The following UNKL variants were observed in gnomAD, a reference collection of about 807,000 sequenced individuals.
UNKL encodes unk like zinc finger.
A neutral mutation model predicts 78.0 loss-of-function variants in UNKL; 60 were observed. The observed-to-expected ratio is 0.77, with a 90% CI of 0.63 to 0.95. The LOEUF (loss-of-function observed/expected upper bound fraction) is 0.95. Among genes scored for constraint, UNKL ranks in the 40% least tolerant of loss-of-function variants. The pLI is 0.00. For missense variants in UNKL, 1,159 were observed against 1,045.7 expected (o/e 1.11, Z -1.49); for synonymous variants, 608 against 474.8 (o/e 1.28, Z -3.65).
Position 1,399,144 on chromosome 16 carries a change from C to T in UNKL, c.734+230G>A. On this transcript the variant is annotated intron_variant, in intron 5 of 14. Coordinates refer to ENST00000389221, the MANE Select transcript of UNKL (RefSeq NM_001372107.1). The surrounding 1 kb of genome is among the most constrained non-coding windows in gnomAD (Gnocchi z 5.8). Reference sequence around the variant, plus strand: ...CTGGCAGAGGGGCCCCGGTAGGGGACTGCATGGGAGACACTGAGCGTAGGT... The same window carrying T: ...CTGGCAGAGGGGCCCCGGTAGGGGATTGCATGGGAGACACTGAGCGTAGGT... The T allele has an allele frequency of 4.4e-6, 5 of 1,124,852 alleles. No homozygotes were observed. The highest frequency in any genetic ancestry group is 6.1e-6 in the Non-Finnish European group (5 of 819,872). The allele number at this position is 1,124,852 out of a possible 1,614,324, so 69.7% of individuals were successfully genotyped here. A position where few individuals can be genotyped will look rare whatever the true frequency, so the allele number is the denominator to read the frequency against.
chr16:1,368,074 T>G, intron 12 of UNKL: 8 of 458,678 alleles, frequency 1.7e-5, no homozygotes, highest in South Asian at 9.5e-5. Context: ...CCCCGGCCGG[T>G]CTCCCCACCA....
chr16:1,403,487 G>A lies in UNKL; in HGVS notation c.288-143C>T, dbSNP rs549097586. ...AGATTCCTGTTCTAATCAGAAGGACGGACACACTGGACGCAGCACCTGTCC... is the reference window on the plus strand; with the variant it reads ...AGATTCCTGTTCTAATCAGAAGGACAGACACACTGGACGCAGCACCTGTCC... On this transcript the variant is annotated intron_variant, in intron 2 of 14. Transcript: ENST00000389221. The surrounding 1 kb of genome is among the most constrained non-coding windows in gnomAD (Gnocchi z 4.8). 26 of 1,043,902 alleles carry A rather than the reference G, an allele frequency of 2.5e-5. No homozygotes were observed. The highest frequency in any genetic ancestry group is 6.4e-5 in the African/African-American group (4 of 62,246). The allele number at this position is 1,043,902 out of a possible 1,614,324, so 64.7% of individuals were successfully genotyped here.
At chr16:1,389,364 T>C (rs577165590) in intron 9 of UNKL, among the ~76,000 whole-genome samples, 8 of 152,152 alleles carry the variant, frequency 5.3e-5, no homozygotes, top group South Asian at 2.1e-4. Context: ...AGCAGGAGGA[T>C]TGCTTGAGCC....
intron 10 of UNKL, among the ~76,000 whole-genome samples, chr16:1,376,050 G>A (rs1019330090): frequency 3.3e-5 from 5 of 152,144 alleles, no homozygotes; most frequent in South Asian, 2.1e-4. Flanking sequence ...TGAGATCTGT[G>A]GCGGGCAGGG....
chr16:1,409,236 G>C (rs1052628425), intron 2 of UNKL, among the ~76,000 whole-genome samples: 1 of 152,146 alleles, frequency 6.6e-6, no homozygotes, highest in Non-Finnish European at 1.5e-5. Context: ...AAAAACCAAT[G>C]AACTAAAGAA....
rs778865379 is a variant in UNKL at position 1,367,224 on chromosome 16, C to T, written c.1914G>A (p.Glu638=). 3.7e-6 allele frequency: 6 copies of T among 1,601,738 alleles called. No individual in the cohort carries two copies. In the Admixed American group the frequency reaches 1.0e-4, roughly 27 times the overall value. ...EVEAQVKQLQ[E]ELEGLGVAST... ...AGGCTACGCCCAGGCCCTCCAGCTC[C>T]TCCTGCAGCTGCTTCACCTGTGCCT... Residue 638 remains glutamate, a synonymous_variant, in exon 14 of 15, where the codon GAG becomes GAA. Transcript: ENST00000389221.
At chr16:1,377,567 G>C (rs889899025) in intron 10 of UNKL, among the ~76,000 whole-genome samples, 2 of 151,660 alleles carry the variant, frequency 1.3e-5, no homozygotes, top group Admixed American at 6.6e-5. Context: ...CCGCTGCCCC[G>C]GGCCCTTCCC....
At chr16:1,366,680 T>C (rs1347839969) in intron 14 of UNKL, among the ~76,000 whole-genome samples, 2 of 152,080 alleles carry the variant, frequency 1.3e-5, no homozygotes, top group East Asian at 3.9e-4. Context: ...GGCAGCTGGG[T>C]GCCCAGGATG....
In UNKL at chr16:1,401,553, C is replaced by T. The variant is rs370214281; in HGVS notation, c.598+15G>A. 40 of 1,530,788 alleles carry T rather than the reference C, an allele frequency of 2.6e-5. No individual in the cohort carries two copies. The highest frequency in any genetic ancestry group is 1.8e-4 in the African/African-American group (13 of 72,328). The allele number at this position is 1,530,788 out of a possible 1,614,324, so 94.8% of individuals were successfully genotyped here. ...CCCCCCCCACCACCGCCCTCAGCTG[C>T]GGCCGTGGAGTTACCTTGCCACCGG... On this transcript the variant is annotated intron_variant, in intron 4 of 14. Coordinates refer to ENST00000389221, the MANE Select transcript of UNKL (RefSeq NM_001372107.1).
chr16:1,367,957 C>A, intron 12 of UNKL, 99 bp from the exon 13 acceptor site: 1 of 1,106,988 alleles, frequency 9.0e-7, no homozygotes, highest in South Asian at 1.5e-5. Context: ...TACGTGGGCA[C>A]CCTCTGGGGC....
At chr16:1,384,135 G>T (rs2036717987) in intron 10 of UNKL, among the ~76,000 whole-genome samples, 1 of 152,106 alleles carries the variant, frequency 6.6e-6, no homozygotes. Flanking sequence ...TGGAACATGG[G>T]GCTTCAGCAC....
chr16:1,368,069 G>T, intron 12 of UNKL: 4 of 538,894 alleles, frequency 7.4e-6, no homozygotes, highest in South Asian at 2.6e-5. Flanking sequence ...ACCTGCCCCG[G>T]CCGGTCTCCC....
rs931510802 is a variant in UNKL at position 1,387,846 on chromosome 16, G to C, written c.1087-2461C>G. Among the ~76,000 whole-genome samples, 11 of 149,270 alleles carry C rather than the reference G, an allele frequency of 7.4e-5. No individual in the cohort carries two copies. The highest frequency in any genetic ancestry group is 1.0e-4 in the Non-Finnish European group (7 of 67,386). On this transcript the variant is annotated intron_variant, in intron 9 of 14. Coordinates refer to ENST00000389221, the MANE Select transcript of UNKL (RefSeq NM_001372107.1). The surrounding 1 kb of genome is among the most constrained non-coding windows in gnomAD (Gnocchi z 4.1). ...TCTTGGCAGCCCACCCTGTGTCCCG[G>C]GGTCTGCCCAGGTCCGTGCTCTGGG...
chr16:1,381,680 C>T (rs1018053838), intron 10 of UNKL, among the ~76,000 whole-genome samples: 4 of 152,212 alleles, frequency 2.6e-5, no homozygotes, highest in African/African-American at 9.6e-5. Flanking sequence ...TCATCCCTGA[C>T]CTCTGAGTTT....
intron 5 of UNKL, chr16:1,398,683 C>CGG: frequency 1.4e-6 from 1 of 696,440 alleles, no homozygotes. Context: ...GGGTCTGCAC[C>CGG]CCCCCACCCC....
chr16:1,380,100 C>T (rs1405403129), intron 10 of UNKL, among the ~76,000 whole-genome samples: 1 of 152,260 alleles, frequency 6.6e-6, no homozygotes, highest in South Asian at 2.1e-4. Flanking sequence ...GGGTACGGAG[C>T]TCGCAGGTCT....
At chr16:1,395,426 A>G (rs1261948979) in intron 6 of UNKL, among the ~76,000 whole-genome samples, 1 of 152,264 alleles carries the variant, frequency 6.6e-6, no homozygotes, top group East Asian at 1.9e-4. Flanking sequence ...TCGGCCTCCC[A>G]AAGTGCTGGG....
intron 6 of UNKL, 69 bp downstream of exon 6, chr16:1,397,109 G>C: frequency 1.4e-6 from 2 of 1,476,496 alleles, no homozygotes; most frequent in African/African-American, 2.8e-5. Context: ...TGATAACCAC[G>C]CTGTGAACCC....
chr16:1,367,794 G>T lies in UNKL; in HGVS notation c.1650C>A (p.Ser550=), dbSNP rs746349177. Residue 550 remains serine, a synonymous_variant, in exon 13 of 15, where the codon TCC becomes TCA. Coordinates refer to ENST00000389221, the MANE Select transcript of UNKL (RefSeq NM_001372107.1). ...ATGGGGGGCCGGCACTCAGGATGGGGGAGGGGCTGGGGGAGAAGCTGCCGG... is the reference window on the plus strand; with the variant it reads ...ATGGGGGGCCGGCACTCAGGATGGGTGAGGGGCTGGGGGAGAAGCTGCCGG... ...FVSGSFSPSP[S]PILSAGPPSS... is the part of the protein sequence containing the mutation. The T allele has an allele frequency of 1.3e-6, 2 of 1,574,878 alleles. No homozygotes were observed. Among genetic ancestry groups the T allele is most frequent in the African/African-American group, 2.7e-5 (2 of 74,174 alleles).
Sources: gnomAD v4.1 joint callset for allele counts (sites outside exome capture counted in the v4.1 genomes callset) on GRCh38, gnomAD v4.1.1 for gene constraint, Gnocchi (gnomAD v3.1) non-coding constraint, MANE v1.5 for transcripts, NCBI Gene and HGNC (gene_info 2026-07-23, HGNC 2026-07-21) for gene names.